Variants in ZMAT5 observed in about 807,000 individuals in gnomAD.
ZMAT5 encodes the protein zinc finger matrin-type protein 5.
In ZMAT5, 23 loss-of-function variants were observed where a neutral mutation model predicts 28.0. That is an observed-to-expected ratio of 0.82 (90% CI 0.59 to 1.16). The LOEUF is 1.16. ZMAT5 is among the 50% of genes most tolerant of loss of function. ZMAT5 has a pLI of 0.00. For missense variants in ZMAT5, 173 were observed against 212.7 expected (o/e 0.81, Z 1.16); for synonymous variants, 76 against 84.1 (o/e 0.90, Z 0.52).
At chr22:29,740,083 G>A (rs2067947463) in intron 4 of ZMAT5, among the ~76,000 whole-genome samples, 1 of 152,242 alleles carries the variant, frequency 6.6e-6, no homozygotes, top group Non-Finnish European at 1.5e-5. Context: ...CCTGTTCAGT[G>A]AGAGGCTGTG....
At chr22:29,737,186 A>C (rs1364229979) in intron 5 of ZMAT5, among the ~76,000 whole-genome samples, 1 of 151,144 alleles carries the variant, frequency 6.6e-6, no homozygotes, top group Admixed American at 6.6e-5. Context: ...AAAATCAGCC[A>C]GGTATGATGG....
chr22:29,752,220 T>C (rs1400977221), intron 1 of ZMAT5, among the ~76,000 whole-genome samples: 3 of 152,150 alleles, frequency 2.0e-5, no homozygotes, highest in Admixed American at 2.0e-4. Context: ...CATGCTGCCG[T>C]GCTAGCTGTC....
chr22:29,732,947 T>G (rs557959660), intron 5 of ZMAT5, among the ~76,000 whole-genome samples: 64 of 152,074 alleles, frequency 4.2e-4, no homozygotes, highest in Non-Finnish European at 7.4e-4. Context: ...GGCCACCCAG[T>G]GATTGTGGAA....
At chr22:29,752,454 T>G (rs1281869817) in intron 1 of ZMAT5, among the ~76,000 whole-genome samples, 1 of 152,178 alleles carries the variant, frequency 6.6e-6, no homozygotes, top group Non-Finnish European at 1.5e-5. Context: ...CTCAGGGCCA[T>G]GGCTGCCCAC....
intron 1 of ZMAT5, among the ~76,000 whole-genome samples, chr22:29,760,792 A>AGCTGAGC (rs2068149889): frequency 6.6e-6 from 1 of 152,194 alleles, no homozygotes; most frequent in African/African-American, 2.4e-5. Context: ...CAGGTCACTG[A>AGCTGAGC]AGTGGTAATC....
chr22:29,760,195 C>T (rs1395416756), intron 1 of ZMAT5, among the ~76,000 whole-genome samples: 25 of 150,752 alleles, frequency 1.7e-4, no homozygotes, highest in African/African-American at 3.9e-4. Flanking sequence ...AGCGAGATTC[C>T]GTCTCAAAAA....
In ZMAT5 at chr22:29,736,070, C is replaced by T. The variant is rs147759179; in HGVS notation, c.383+2260G>A. Among the ~76,000 whole-genome samples, 7 of 152,296 alleles carry T rather than the reference C, an allele frequency of 4.6e-5. No individual in the cohort carries two copies. The South Asian group carries it at 6.2e-4, about 14-fold the overall frequency. On this transcript the variant is annotated intron_variant, in intron 5 of 5. Transcript: ENST00000344318. Reference sequence around the variant, plus strand: ...AGGGAGGCGAGTGGCTGGTGCAACTCGGTTAGCAGGTGGCAGAGTGAGGAT... The same window carrying T: ...AGGGAGGCGAGTGGCTGGTGCAACTTGGTTAGCAGGTGGCAGAGTGAGGAT...
chr22:29,751,540 A>G (rs192089095), intron 1 of ZMAT5, among the ~76,000 whole-genome samples: 71 of 152,302 alleles, frequency 4.7e-4, no homozygotes, highest in Non-Finnish European at 5.3e-4. Context: ...CCCCAGGACA[A>G]CCTGTGGGGG....
At chr22:29,755,956 G>A (rs73392822) in intron 1 of ZMAT5, among the ~76,000 whole-genome samples, 13,582 of 152,296 alleles carry the variant, frequency 0.089, 694 homozygotes, top group African/African-American at 0.12. Context: ...CTGTCCTGCC[G>A]TGAGGCTGCT....
rs537651672 is a variant in ZMAT5 at position 29,741,361 on chromosome 22, G to T, written c.191-631C>A. Among the ~76,000 whole-genome samples, 75 of 152,256 alleles carry T rather than the reference G, an allele frequency of 4.9e-4. 1 individual carries two copies. The highest frequency in any genetic ancestry group is 9.7e-4 in the Non-Finnish European group (66 of 68,004). On this transcript the variant is annotated intron_variant, in intron 3 of 5. Coordinates refer to ENST00000344318, the MANE Select transcript of ZMAT5 (RefSeq NM_001003692.2). ...AGGCAAAGTCTGTAGGGAAGCCCCT[G>T]ATCTGCAGGCTTGGTGCCCATCCTA...
In ZMAT5 at chr22:29,731,035, G is replaced by A; in HGVS notation, c.*190C>T. The A allele has an allele frequency of 4.1e-6, 2 of 492,170 alleles. No individual in the cohort carries two copies. Among genetic ancestry groups the A allele is most frequent in the Admixed American group, 7.2e-5 (2 of 27,606 alleles). 30.5% of individuals were successfully genotyped at this position (492,170 alleles called of 1,614,324 possible). A position where few individuals can be genotyped will look rare whatever the true frequency, so the allele number is the denominator to read the frequency against. On this transcript the variant is annotated 3_prime_UTR_variant, in exon 6 of 6. Transcript: ENST00000344318. Reference sequence around the variant, plus strand: ...AAGAAGCAGGGGGGCAGGTGGAGGAGAGTGAGGGGAGAGCTGCCCGGTGCA... The same window carrying A: ...AAGAAGCAGGGGGGCAGGTGGAGGAAAGTGAGGGGAGAGCTGCCCGGTGCA...
chr22:29,748,354 T>C (rs1226542128), intron 2 of ZMAT5, 64 bp downstream of exon 2: 2 of 1,610,504 alleles, frequency 1.2e-6, no homozygotes, highest in Admixed American at 1.7e-5. Flanking sequence ...ACAGGAGTCT[T>C]TGATGATAAG....
chr22:29,761,974 G>A (rs1175483998), intron 1 of ZMAT5, among the ~76,000 whole-genome samples: 1 of 152,100 alleles, frequency 6.6e-6, no homozygotes, highest in Non-Finnish European at 1.5e-5. Flanking sequence ...CCTAAACTAA[G>A]AGCCACTGAC....
chr22:29,735,210 T>C (rs1039184389), intron 5 of ZMAT5, among the ~76,000 whole-genome samples: 4 of 152,176 alleles, frequency 2.6e-5, no homozygotes, highest in South Asian at 2.1e-4. Context: ...GAGACAGTTA[T>C]GGACGCCCAA....
At chr22:29,761,303 C>T (rs1210464194) in intron 1 of ZMAT5, among the ~76,000 whole-genome samples, 3 of 142,998 alleles carry the variant, frequency 2.1e-5, no homozygotes, top group African/African-American at 7.9e-5. Context: ...TAGCTGTAGA[C>T]AGGGCATGGT....
At chr22:29,743,843 T>C (rs995560128) in intron 2 of ZMAT5, among the ~76,000 whole-genome samples, 12 of 152,182 alleles carry the variant, frequency 7.9e-5, no homozygotes, top group African/African-American at 2.9e-4. Context: ...GTATCCTGAC[T>C]CAGGAACCCT....
intron 1 of ZMAT5, among the ~76,000 whole-genome samples, chr22:29,762,347 C>T (rs2068165052): frequency 6.6e-6 from 1 of 152,220 alleles, no homozygotes. Context: ...GGACCCCAAC[C>T]CCCAGGCCCC....
At chr22:29,763,998 T>G (rs1298910826) in intron 1 of ZMAT5, among the ~76,000 whole-genome samples, 1 of 152,080 alleles carries the variant, frequency 6.6e-6, no homozygotes, top group Non-Finnish European at 1.5e-5. Flanking sequence ...GGTGCACACC[T>G]GTAATCCCAG....
Position 29,742,465 on chromosome 22 carries a change from A to G in ZMAT5, c.143T>C (p.Leu48Ser). Residue 48 changes from leucine (L) to serine (S), a missense_variant, in exon 3 of 6, where the codon TTG (leucine) becomes TCG (serine). Leu to Ser is a moderately radical substitution (Grantham distance 145). Coordinates refer to ENST00000344318, the MANE Select transcript of ZMAT5 (RefSeq NM_001003692.2). ...YDMFRDAAAI[L>S]LDEQNKRPCR... ...GGGCCGCTTGTTCTGCTCATCCAGC[A>G]AGATGGCAGCTGCATCTGCGAGAGA... The G allele has an allele frequency of 6.2e-7, 1 of 1,612,984 alleles. No individual in the cohort carries two copies. The highest frequency in any genetic ancestry group is 8.5e-7 in the Non-Finnish European group (1 of 1,179,934).
Sources: allele counts gnomAD v4.1 joint callset (sites outside exome capture counted in the v4.1 genomes callset), GRCh38; gene constraint gnomAD v4.1.1; transcripts MANE v1.5; gene names NCBI Gene and HGNC (gene_info 2026-07-23, HGNC 2026-07-21).